Variants in EVL observed in about 807,000 individuals in gnomAD.
EVL encodes the protein Enah/Vasp-like.
Under a neutral mutation model 59.6 loss-of-function variants are expected in EVL, and 21 were observed. The ratio of observed to expected loss-of-function variants is 0.35; its 90% CI spans 0.25 to 0.51. The LOEUF is 0.51. Among genes scored for constraint, EVL ranks in the 20% least tolerant of loss-of-function variants. EVL has a pLI of 0.97. For synonymous variants in EVL, 198 were observed against 203.5 expected (o/e 0.97, Z 0.23); for missense variants, 462 against 546.6 (o/e 0.85, Z 1.54).
intron 2 of EVL, 43 bp from the exon 3 acceptor site, chr14:100,097,438 A>G (rs1256029498): frequency 6.4e-7 from 1 of 1,559,750 alleles, no homozygotes; most frequent in Non-Finnish European, 8.7e-7. Context: ...GCTCACTTAC[A>G]TTTTATTTAT....
intron 1 of EVL, among the ~76,000 whole-genome samples, chr14:99,982,913 G>A (rs902065808): frequency 3.9e-5 from 6 of 152,144 alleles, no homozygotes; most frequent in African/African-American, 1.2e-4. Context: ...ACCTTTATGA[G>A]CCTCCGTTTT....
chr14:100,115,875 C>A (rs148530236), intron 3 of EVL, among the ~76,000 whole-genome samples: 359 of 152,294 alleles, frequency 2.4e-3, no homozygotes, highest in African/African-American at 8.2e-3. Flanking sequence ...GAGCTGAGCT[C>A]GGAGGATAGG....
At chr14:100,095,301 A>G (rs553433271) in intron 2 of EVL, among the ~76,000 whole-genome samples, 27 of 152,170 alleles carry the variant, frequency 1.8e-4, no homozygotes, top group Non-Finnish European at 3.5e-4. Context: ...TCCACTAGAA[A>G]TGCAACACCA....
intron 1 of EVL, among the ~76,000 whole-genome samples, chr14:100,082,067 T>A (rs2062321291): frequency 6.6e-6 from 1 of 152,028 alleles, no homozygotes; most frequent in Non-Finnish European, 1.5e-5. Flanking sequence ...GAGGTTGCAG[T>A]GAGCCAAGAT....
At chr14:100,024,326 A>G (rs2061175733) in intron 1 of EVL, among the ~76,000 whole-genome samples, 1 of 152,216 alleles carries the variant, frequency 6.6e-6, no homozygotes, top group East Asian at 1.9e-4. Context: ...GGCAAGGCTA[A>G]AGAACCATCC....
intron 4 of EVL, among the ~76,000 whole-genome samples, chr14:100,125,272 AC>A (rs1887997615): frequency 6.6e-6 from 1 of 151,766 alleles, no homozygotes; most frequent in Non-Finnish European, 1.5e-5. Context: ...ACACACACAC[AC>A]ACACACACAC....
chr14:100,097,569 A>G lies in EVL; in HGVS notation c.269A>G (p.Tyr90Cys). ...FHQWRDARQV[Y>C]GLNFASKEEA... is the part of the protein sequence containing the mutation. ...CAGTGGCGAGATGCCCGCCAGGTCTACGGCTTAAACTTTGCAAGTAAAGAA... is the reference window on the plus strand; with the variant it reads ...CAGTGGCGAGATGCCCGCCAGGTCTGCGGCTTAAACTTTGCAAGTAAAGAA... The change falls in exon 3 of 14, where the codon TAC (tyrosine) becomes TGC (cysteine). Residue 90 changes from tyrosine (Y) to cysteine (C), a missense_variant. Physicochemically the swap from Tyr to Cys is radical, Grantham distance 194. Coordinates refer to ENST00000392920, the MANE Select transcript of EVL (RefSeq NM_016337.3). 6.2e-7 allele frequency: 1 copy of G among 1,614,224 alleles called. No individual in the cohort carries two copies. The highest frequency in any genetic ancestry group is 8.5e-7 in the Non-Finnish European group (1 of 1,180,038).
At chr14:100,003,300 C>T (rs1191003) in intron 1 of EVL, among the ~76,000 whole-genome samples, 8,566 of 152,260 alleles carry the variant, frequency 0.056, 443 homozygotes, top group East Asian at 0.28. Context: ...TTTAACAGGA[C>T]CTGGTGTCCT....
At chr14:100,070,214 G>A (rs139471819) in intron 1 of EVL, among the ~76,000 whole-genome samples, 2 of 152,292 alleles carry the variant, frequency 1.3e-5, no homozygotes, top group Non-Finnish European at 2.9e-5. Flanking sequence ...CCTGCAGTGA[G>A]CTGTGATCAC....
intron 3 of EVL, among the ~76,000 whole-genome samples, chr14:100,100,234 CG>C (rs1180134358): frequency 1.3e-5 from 2 of 151,784 alleles, no homozygotes; most frequent in African/African-American, 2.4e-5. Flanking sequence ...CTTGTTGAGG[CG>C]GGGGCGGGAG....
chr14:100,141,089 G>A (rs1329671295), intron 11 of EVL, 91 bp from the exon 12 acceptor site: 2 of 1,288,582 alleles, frequency 1.6e-6, no homozygotes, highest in Non-Finnish European at 2.2e-6. Flanking sequence ...GAGGGGAGCA[G>A]GTGGGCCCAG....
chr14:100,084,565 A>G, intron 1 of EVL, 122 bp from the exon 2 acceptor site: 1 of 1,003,234 alleles, frequency 1.0e-6, no homozygotes, highest in Non-Finnish European at 1.4e-6. Context: ...AGATGTTGGA[A>G]GTTCTGGCAA....
At chr14:100,107,464 A>AG (rs1036019069) in intron 3 of EVL, 1 of 396,454 alleles carries the variant, frequency 2.5e-6, no homozygotes, top group Non-Finnish European at 4.4e-6. Flanking sequence ...AGACCCAGTG[A>AG]GGGGGAGGAT....
intron 1 of EVL, among the ~76,000 whole-genome samples, chr14:100,022,660 A>G (rs2061146147): frequency 6.6e-6 from 1 of 152,176 alleles, no homozygotes; most frequent in Admixed American, 6.5e-5. Flanking sequence ...ATGAGAGCAG[A>G]ATTCATAAAA....
intron 1 of EVL, among the ~76,000 whole-genome samples, chr14:100,058,914 T>C (rs1482530437): frequency 6.6e-6 from 1 of 152,244 alleles, no homozygotes; most frequent in Non-Finnish European, 1.5e-5. Flanking sequence ...TCTTACCTGT[T>C]ACCTACCTAG....
chr14:100,003,618 T>C (rs1189829372), intron 1 of EVL, among the ~76,000 whole-genome samples: 1 of 152,122 alleles, frequency 6.6e-6, no homozygotes, highest in Non-Finnish European at 1.5e-5. Context: ...GGTTTCACCA[T>C]GTTGGCCATG....
chr14:100,086,760 A>G (rs1285766339), intron 2 of EVL, among the ~76,000 whole-genome samples: 1 of 152,232 alleles, frequency 6.6e-6, no homozygotes, highest in Non-Finnish European at 1.5e-5. Flanking sequence ...GAGACCTCCT[A>G]GAGTGTGATT....
intron 1 of EVL, among the ~76,000 whole-genome samples, chr14:100,025,306 C>G (rs1193068790): frequency 6.6e-6 from 1 of 152,156 alleles, no homozygotes; most frequent in Non-Finnish European, 1.5e-5. Flanking sequence ...CCACACCACT[C>G]TAGCCTTACC....
At position 100,132,782 on chromosome 14, in the gene EVL, G is replaced by A. The variant is rs755032436; in HGVS notation, c.900+3G>A. ...AGAAGGAAGATGAAAGCCAAATGGT[G>A]AGCAAGCAGCCCGCCCCACCCTCAG... On this transcript the variant is annotated splice_donor_region_variant and intron_variant, in intron 8 of 13. Coordinates refer to ENST00000392920, the MANE Select transcript of EVL (RefSeq NM_016337.3). 2.5e-6 allele frequency: 4 copies of A among 1,614,000 alleles called. No individual in the cohort carries two copies. The highest frequency in any genetic ancestry group is 2.5e-6 in the Non-Finnish European group (3 of 1,180,026).
Sources: allele counts gnomAD v4.1 joint callset (sites outside exome capture counted in the v4.1 genomes callset), GRCh38; gene constraint gnomAD v4.1.1; transcripts MANE v1.5; gene names NCBI Gene and HGNC (gene_info 2026-07-23, HGNC 2026-07-21).